The following AOAH variants were observed in gnomAD, a reference collection of about 807,000 sequenced individuals.
AOAH encodes acyloxyacyl hydrolase, also known as acyloxyacyl hydrolase (neutrophil).
In AOAH, 64 loss-of-function variants were observed where a neutral mutation model predicts 92.2. The ratio of observed to expected loss-of-function variants is 0.69; its 90% CI spans 0.57 to 0.86. AOAH has a LOEUF of 0.86. Ranked by LOEUF, AOAH falls within the 40% of genes least tolerant of loss-of-function variation. The probability of loss-of-function intolerance (pLI) is 0.00; values close to 1 mark genes in which losing one functional copy is unlikely to be tolerated. For missense variants in AOAH, 656 were observed against 694.6 expected (o/e 0.94, Z 0.62); for synonymous variants, 263 against 254.5 (o/e 1.03, Z -0.32).
chr7:36,588,061 A>G (rs1013231986), intron 12 of AOAH, among the ~76,000 whole-genome samples: 3 of 152,210 alleles, frequency 2.0e-5, no homozygotes, highest in Admixed American at 6.5e-5. Context: ...CATATTTCAC[A>G]TTTCATCAGA....
chr7:36,660,246 A>G (rs1795129399), intron 3 of AOAH, among the ~76,000 whole-genome samples: 1 of 152,222 alleles, frequency 6.6e-6, no homozygotes, highest in Non-Finnish European at 1.5e-5. Flanking sequence ...GTCTCTTCAC[A>G]CGGACGTGCT....
intron 16 of AOAH, among the ~76,000 whole-genome samples, chr7:36,536,303 T>C (rs902818157): frequency 6.6e-6 from 1 of 152,192 alleles, no homozygotes; most frequent in African/African-American, 2.4e-5. Flanking sequence ...TTTTAAGAAG[T>C]GGCCAAAGTC....
intron 13 of AOAH, among the ~76,000 whole-genome samples, chr7:36,556,106 C>T (rs1786686135): frequency 1.3e-5 from 2 of 152,040 alleles, no homozygotes; most frequent in Admixed American, 6.6e-5. Context: ...TTCCTGCTTT[C>T]TCTTGTGGAC....
intron 1 of AOAH, among the ~76,000 whole-genome samples, chr7:36,688,082 C>G (rs971120040): frequency 6.6e-6 from 1 of 152,144 alleles, no homozygotes; most frequent in African/African-American, 2.4e-5. Context: ...AGAGTACCTA[C>G]TTAAGGATGC....
intron 6 of AOAH, among the ~76,000 whole-genome samples, chr7:36,631,301 C>G (rs1793071060): frequency 6.6e-6 from 1 of 150,880 alleles, no homozygotes; most frequent in Non-Finnish European, 1.5e-5. Flanking sequence ...GAGCCATGAT[C>G]ACGCCATTGC....
chr7:36,521,544 A>G (rs1177217766), intron 20 of AOAH, among the ~76,000 whole-genome samples: 1 of 152,196 alleles, frequency 6.6e-6, no homozygotes, highest in African/African-American at 2.4e-5. Flanking sequence ...GATGAGAAAC[A>G]GCTCTTACTG....
At chr7:36,565,395 T>C (rs531719624) in intron 13 of AOAH, among the ~76,000 whole-genome samples, 56 of 152,364 alleles carry the variant, frequency 3.7e-4, no homozygotes, top group Non-Finnish European at 5.3e-4. Context: ...GTGACTTCTT[T>C]GCTTCTTTCC....
intron 5 of AOAH, among the ~76,000 whole-genome samples, chr7:36,635,370 GA>G (rs1305764716): frequency 6.6e-5 from 10 of 152,138 alleles, no homozygotes; most frequent in Non-Finnish European, 1.0e-4. Flanking sequence ...GTTGAATAAA[GA>G]AAAATGGGCT....
chr7:36,533,774 C>T (rs1329068357), intron 16 of AOAH, among the ~76,000 whole-genome samples: 1 of 152,098 alleles, frequency 6.6e-6, no homozygotes, highest in African/African-American at 2.4e-5. Context: ...CATCTTCCTT[C>T]TCCACTCCCC....
chr7:36,647,266 G>T (rs1277965996), intron 4 of AOAH, among the ~76,000 whole-genome samples: 1 of 152,228 alleles, frequency 6.6e-6, no homozygotes, highest in Non-Finnish European at 1.5e-5. Flanking sequence ...GGGGCATCAG[G>T]GAAAACTTCT....
rs1399441971 is a variant in AOAH at position 36,557,961 on chromosome 7, G to A, written c.1022-8486C>T. Among the ~76,000 whole-genome samples, 14 of 151,714 alleles carry A rather than the reference G, an allele frequency of 9.2e-5. No individual in the cohort carries two copies. The South Asian group carries it at 1.0e-3, about 11-fold the overall frequency. The stretch of plus-strand genomic sequence containing the variant: ...TCCTGTAGCTCGGAGTAGTTTGATC[G>A]TCTGAAGCCTTCTTCTCTCAACTCG... On this transcript the variant is annotated intron_variant, in intron 13 of 20. Transcript: ENST00000617537.
chr7:36,717,793 G>A (rs924471013), intron 1 of AOAH, among the ~76,000 whole-genome samples: 4 of 131,688 alleles, frequency 3.0e-5, no homozygotes, highest in South Asian at 2.3e-4. Flanking sequence ...CAGGAGTTTC[G>A]CTCCTGGTTG....
chr7:36,594,696 G>C (rs759967124), intron 11 of AOAH: 2 of 468,304 alleles, frequency 4.3e-6, no homozygotes, highest in Non-Finnish European at 7.8e-6. Flanking sequence ...CACTTGGGAG[G>C]GATGCTTCAG....
At chr7:36,716,977 TAAATA>T (rs2117014738) in intron 1 of AOAH, among the ~76,000 whole-genome samples, 1 of 66,868 alleles carries the variant, frequency 1.5e-5, no homozygotes, top group Non-Finnish European at 3.2e-5. Context: ...GTATAATAAA[TAAATA>T]AATAAATAAA....
At chr7:36,529,656 C>T (rs1351507878) in intron 19 of AOAH, among the ~76,000 whole-genome samples, 1 of 152,186 alleles carries the variant, frequency 6.6e-6, no homozygotes, top group African/African-American at 2.4e-5. Flanking sequence ...CACTGTGAAA[C>T]CCTTCATTAG....
chr7:36,587,656 G>A (rs992199266), intron 12 of AOAH, among the ~76,000 whole-genome samples: 33 of 152,054 alleles, frequency 2.2e-4, no homozygotes, highest in African/African-American at 7.7e-4. Context: ...TGTTAATATT[G>A]CTACATATCA....
chr7:36,648,696 A>G, intron 4 of AOAH, among the ~76,000 whole-genome samples: 1 of 152,018 alleles, frequency 6.6e-6, no homozygotes, highest in South Asian at 2.1e-4. Context: ...AGGTATAGAT[A>G]AACATCTAGC....
chr7:36,700,380 T>C (rs1472544544), intron 1 of AOAH, among the ~76,000 whole-genome samples: 1 of 152,062 alleles, frequency 6.6e-6, no homozygotes, highest in Non-Finnish European at 1.5e-5. Context: ...TGTTCATGTG[T>C]ATACAGTATT....
intron 11 of AOAH, among the ~76,000 whole-genome samples, chr7:36,599,326 G>C (rs1394432596): frequency 6.6e-6 from 1 of 152,194 alleles, no homozygotes; most frequent in Non-Finnish European, 1.5e-5. Context: ...GGGAGAAAGA[G>C]AGTAATGACA....
Sources: allele counts gnomAD v4.1 joint callset (sites outside exome capture counted in the v4.1 genomes callset), GRCh38; gene constraint gnomAD v4.1.1; transcripts MANE v1.5; gene names NCBI Gene and HGNC (gene_info 2026-07-23, HGNC 2026-07-21).